The following THSD7B variants were observed in gnomAD, a reference collection of about 807,000 sequenced individuals.
THSD7B encodes the protein thrombospondin type 1 domain containing 7B, also known as thrombospondin type-1 domain-containing protein 7B.
THSD7B carries 138 observed loss-of-function variants against 213.6 expected under a neutral mutation model. The ratio of observed to expected loss-of-function variants is 0.65; its 90% CI spans 0.56 to 0.74. The LOEUF is 0.74. Among genes scored for constraint, THSD7B ranks in the 30% least tolerant of loss-of-function variants. The pLI is 0.00. For synonymous variants in THSD7B, 742 were observed against 687.0 expected (o/e 1.08, Z -1.25); for missense variants, 1,931 against 1,991.5 (o/e 0.97, Z 0.58).
intron 12 of THSD7B, among the ~76,000 whole-genome samples, chr2:137,365,011 CCAAA>C (rs921128113): frequency 9.9e-5 from 15 of 151,926 alleles, no homozygotes; most frequent in African/African-American, 3.4e-4. Flanking sequence ...CTACAGCACC[CCAAA>C]CAGCATGGTG....
chr2:137,363,093 T>C (rs990389537), intron 12 of THSD7B, among the ~76,000 whole-genome samples: 4 of 152,026 alleles, frequency 2.6e-5, no homozygotes, highest in Admixed American at 1.3e-4. Flanking sequence ...CACTCAAAAC[T>C]GCACAAATAT....
intron 15 of THSD7B, among the ~76,000 whole-genome samples, chr2:137,459,170 A>G (rs925986178): frequency 5.9e-5 from 9 of 152,202 alleles, no homozygotes; most frequent in African/African-American, 2.2e-4. Flanking sequence ...TAAAAAAAAA[A>G]TCTAAAAAAG....
intron 12 of THSD7B, among the ~76,000 whole-genome samples, chr2:137,306,149 T>C (rs1314138669): frequency 2.0e-5 from 3 of 152,084 alleles, no homozygotes; most frequent in Admixed American, 6.6e-5. Flanking sequence ...GAGAGCTCAG[T>C]AGGTTTGTTT....
At chr2:137,114,998 T>A in intron 4 of THSD7B, 126 bp from the exon 5 acceptor site, 1 of 989,960 alleles carries the variant, frequency 1.0e-6, no homozygotes, top group Non-Finnish European at 1.5e-6. Context: ...TACTTCTTTA[T>A]CCACAGGCAA....
chr2:137,009,165 T>C (rs992360669), intron 2 of THSD7B, among the ~76,000 whole-genome samples: 1 of 152,178 alleles, frequency 6.6e-6, no homozygotes, highest in African/African-American at 2.4e-5. Flanking sequence ...ATAGTTTGCC[T>C]CTGGTGACTC....
intron 12 of THSD7B, among the ~76,000 whole-genome samples, chr2:137,366,579 A>G (rs1480720232): frequency 6.6e-6 from 1 of 151,938 alleles, no homozygotes; most frequent in East Asian, 1.9e-4. Context: ...TGTTACATCT[A>G]CTTCTGCTAT....
chr2:136,812,121 GATTA>G (rs1558813133), intron 1 of THSD7B, among the ~76,000 whole-genome samples: 1 of 152,146 alleles, frequency 6.6e-6, no homozygotes, highest in East Asian at 1.9e-4. Flanking sequence ...ATGTTTAAGT[GATTA>G]ATTCATTCTA....
At chr2:136,850,014 A>G (rs951784247) in intron 1 of THSD7B, among the ~76,000 whole-genome samples, 3 of 152,044 alleles carry the variant, frequency 2.0e-5, no homozygotes, top group African/African-American at 7.2e-5. Flanking sequence ...GGTGTTTATA[A>G]TAACTCTAAT....
chr2:137,551,677 T>G (rs1281669727), intron 15 of THSD7B, among the ~76,000 whole-genome samples: 1 of 152,208 alleles, frequency 6.6e-6, no homozygotes, highest in Non-Finnish European at 1.5e-5. Flanking sequence ...ATTAGTTTCA[T>G]TTTTTGGTTC....
chr2:137,641,684 T>A (rs1025734583), intron 20 of THSD7B, among the ~76,000 whole-genome samples: 5 of 152,200 alleles, frequency 3.3e-5, no homozygotes, highest in Non-Finnish European at 5.9e-5. Context: ...GATGACCTAA[T>A]GCCTAGGAGG....
At chr2:137,269,366 C>A (rs113631569) in intron 10 of THSD7B, among the ~76,000 whole-genome samples, 1 of 152,160 alleles carries the variant, frequency 6.6e-6, no homozygotes, top group South Asian at 2.1e-4. Context: ...CGTCTGTATG[C>A]GAGTGTGTAC....
chr2:137,049,763 A>G (rs139172882), intron 2 of THSD7B, among the ~76,000 whole-genome samples: 3 of 152,332 alleles, frequency 2.0e-5, no homozygotes, highest in Non-Finnish European at 4.4e-5. Flanking sequence ...TCCAGGTGAC[A>G]GACAGTCACA....
intron 2 of THSD7B, among the ~76,000 whole-genome samples, chr2:136,954,504 CAGG>C (rs1685090473): frequency 6.6e-6 from 1 of 151,966 alleles, no homozygotes; most frequent in South Asian, 2.1e-4. Context: ...ATCTTGAGGT[CAGG>C]AGATCGAGAC....
intron 2 of THSD7B, among the ~76,000 whole-genome samples, chr2:136,948,343 G>A (rs1684977793): frequency 6.6e-6 from 1 of 152,072 alleles, no homozygotes; most frequent in Admixed American, 6.5e-5. Flanking sequence ...CCAACTTAAT[G>A]TGGTATTCTT....
chr2:137,645,327 A>G (rs1485389397), intron 21 of THSD7B, among the ~76,000 whole-genome samples: 1 of 152,240 alleles, frequency 6.6e-6, no homozygotes, highest in African/African-American at 2.4e-5. Flanking sequence ...AATTCATTGT[A>G]TACAAAACCT....
At chr2:137,418,958 A>C (rs1686860292) in intron 14 of THSD7B, among the ~76,000 whole-genome samples, 1 of 151,282 alleles carries the variant, frequency 6.6e-6, no homozygotes, top group East Asian at 1.9e-4. Flanking sequence ...CCCAGGCTGG[A>C]GTGCAGGGGT....
intron 1 of THSD7B, among the ~76,000 whole-genome samples, chr2:136,862,945 A>G (rs1573675311): frequency 6.6e-6 from 1 of 152,322 alleles, no homozygotes; most frequent in South Asian, 2.1e-4. Context: ...AGAAGTTTTC[A>G]CGTTTCAGAT....
At chr2:137,195,444 G>A (rs957432566) in intron 7 of THSD7B, among the ~76,000 whole-genome samples, 5 of 151,988 alleles carry the variant, frequency 3.3e-5, no homozygotes, top group East Asian at 1.9e-4. Flanking sequence ...TTCCTGGTGC[G>A]AATCAGAAAA....
intron 2 of THSD7B, among the ~76,000 whole-genome samples, chr2:136,983,623 A>C (rs1685625574): frequency 6.6e-6 from 1 of 152,192 alleles, no homozygotes; most frequent in Non-Finnish European, 1.5e-5. Flanking sequence ...AAATGGAATC[A>C]ACATGTTTAT....
Sources: gnomAD v4.1 joint callset for allele counts (sites outside exome capture counted in the v4.1 genomes callset) on GRCh38, gnomAD v4.1.1 for gene constraint, MANE v1.5 for transcripts, NCBI Gene and HGNC (gene_info 2026-07-23, HGNC 2026-07-21) for gene names.